The following ANKFN1 variants were observed in gnomAD, a reference collection of about 807,000 sequenced individuals.
ANKFN1 encodes the protein ankyrin repeat and fibronectin type III domain containing 1.
In ANKFN1, 74 loss-of-function variants were observed where a neutral mutation model predicts 108.7. The ratio of observed to expected loss-of-function variants is 0.68; its 90% CI spans 0.56 to 0.83. The LOEUF (loss-of-function observed/expected upper bound fraction) is 0.83, where lower values mean the gene tolerates loss of function less well. Ranked by LOEUF, ANKFN1 falls within the 40% of genes least tolerant of loss-of-function variation. The probability of loss-of-function intolerance (pLI) is 0.00; values close to 1 mark genes in which losing one functional copy is unlikely to be tolerated. For missense variants in ANKFN1, 1,505 were observed against 1,382.3 expected, an observed-to-expected ratio of 1.09 and a Z score of -1.41; for synonymous variants, 547 against 516.2, an observed-to-expected ratio of 1.06 and a Z score of -0.81.
chr17:56,112,326 G>A (rs994840688), intron 4 of ANKFN1, among the ~76,000 whole-genome samples: 20 of 151,982 alleles, frequency 1.3e-4, no homozygotes, highest in Non-Finnish European at 2.4e-4. Flanking sequence ...ACTTTAATCT[G>A]ATTTACTGTT....
chr17:56,417,492 T>C (rs182501373), intron 8 of ANKFN1, among the ~76,000 whole-genome samples: 47 of 152,332 alleles, frequency 3.1e-4, no homozygotes, highest in African/African-American at 1.1e-3. Flanking sequence ...AGGGACTATA[T>C]AGTCAGGCAC....
intron 4 of ANKFN1, among the ~76,000 whole-genome samples, chr17:56,095,507 G>T (rs181073966): frequency 7.0e-6 from 1 of 142,332 alleles, no homozygotes; most frequent in Admixed American, 6.9e-5. Flanking sequence ...TTGCTATTTT[G>T]CTCAGGCTGG....
At chr17:56,420,916 G>A (rs540509998) in intron 8 of ANKFN1, among the ~76,000 whole-genome samples, 2 of 152,080 alleles carry the variant, frequency 1.3e-5, no homozygotes, top group Admixed American at 6.5e-5. Flanking sequence ...CACCGTGTTA[G>A]CCAGGATGGT....
intron 8 of ANKFN1, among the ~76,000 whole-genome samples, chr17:56,375,934 A>G (rs1449535452): frequency 1.3e-5 from 2 of 152,238 alleles, no homozygotes; most frequent in Non-Finnish European, 1.5e-5. Context: ...CTAAATGCTT[A>G]CAACAGAGAC....
At chr17:56,070,942 G>C (rs541790389) in intron 4 of ANKFN1, among the ~76,000 whole-genome samples, 1 of 151,948 alleles carries the variant, frequency 6.6e-6, no homozygotes, top group Non-Finnish European at 1.5e-5. Context: ...CACCATGTTG[G>C]CCAGGATGGT....
chr17:56,247,707 A>C (rs1918055515), intron 3 of ANKFN1, among the ~76,000 whole-genome samples: 2 of 152,176 alleles, frequency 1.3e-5, no homozygotes, highest in South Asian at 4.1e-4. Context: ...AATCAAAATC[A>C]AGTCTGAGAC....
chr17:56,198,539 C>A (rs1913731124), intron 1 of ANKFN1, among the ~76,000 whole-genome samples: 1 of 152,156 alleles, frequency 6.6e-6, no homozygotes, highest in Non-Finnish European at 1.5e-5. Context: ...CCAACAGGTA[C>A]CAGTCTGCAG....
chr17:56,241,028 A>G (rs1917543994), intron 3 of ANKFN1, among the ~76,000 whole-genome samples: 2 of 151,980 alleles, frequency 1.3e-5, no homozygotes, highest in African/African-American at 2.4e-5. Context: ...AACATAATCT[A>G]TATTTTTAAG....
intron 1 of ANKFN1, among the ~76,000 whole-genome samples, chr17:56,191,146 A>G (rs1912884381): frequency 6.0e-5 from 1 of 16,650 alleles, no homozygotes. Flanking sequence ...CAGCACACTG[A>G]TGGGTCTTGA....
chr17:56,491,051 C>A (rs187940537), intron 18 of ANKFN1, among the ~76,000 whole-genome samples: 35 of 152,116 alleles, frequency 2.3e-4, no homozygotes, highest in Non-Finnish European at 4.4e-4. Flanking sequence ...ATGACCAATG[C>A]CCCATTTTGA....
rs1288725827 is a variant in ANKFN1, at chr17:56,516,257, A to C, written c.*4988A>C. On this transcript the variant is annotated 3_prime_UTR_variant, in exon 21 of 21. Transcript: ENST00000682825. ...GTTTGATGTTTGTGATTTTTAAAAA[A>C]GTGTGTGTGTGTGTGTGTGTGTGTG... 6.7e-6 allele frequency among the ~76,000 whole-genome samples: 1 copy of C among 148,362 alleles called. No homozygotes were observed.
Position 56,222,876 on chromosome 17 carries a change from A to G in ANKFN1, c.13-5041A>G, listed in dbSNP as rs560758782. On this transcript the variant is annotated intron_variant, in intron 2 of 20. Transcript: ENST00000682825. Reference sequence around the variant, plus strand: ...GCAATTCTAAGAACTACTTTAGAGTATAAGACCACACGTCTAAAAGTAAAT... The same window carrying G: ...GCAATTCTAAGAACTACTTTAGAGTGTAAGACCACACGTCTAAAAGTAAAT... Among the ~76,000 whole-genome samples, 391 of 152,344 alleles carry G rather than the reference A, an allele frequency of 2.6e-3. 1 individual carries two copies. The highest frequency in any genetic ancestry group is 0.021 in the South Asian group (102 of 4,830).
intron 2 of ANKFN1, among the ~76,000 whole-genome samples, chr17:56,216,724 A>G (rs1915450745): frequency 6.6e-6 from 1 of 152,230 alleles, no homozygotes; most frequent in South Asian, 2.1e-4. Flanking sequence ...TCTGTGCCTC[A>G]GTTTACCTAT....
chr17:56,482,350 C>T lies in ANKFN1; in HGVS notation c.2092-6C>T. The T allele has an allele frequency of 8.2e-6, 13 of 1,593,348 alleles. No homozygotes were observed. The highest frequency in any genetic ancestry group is 1.0e-5 in the Non-Finnish European group (12 of 1,168,446). On this transcript the variant is annotated splice_polypyrimidine_tract_variant and splice_region_variant and intron_variant, in intron 17 of 20. Transcript: ENST00000682825. The stretch of plus-strand genomic sequence containing the variant: ...CTATTTTTCCTCCGCGCGTGTCCCT[C>T]TGCAGGCAAGGAACTTCCGCCTCTA...
intron 18 of ANKFN1, among the ~76,000 whole-genome samples, chr17:56,484,461 C>T (rs1303843471): frequency 6.6e-6 from 1 of 152,172 alleles, no homozygotes; most frequent in Admixed American, 6.5e-5. Flanking sequence ...AAAGAATACT[C>T]TCATTGTTTT....
rs112596144 is a variant in ANKFN1 at position 56,170,807 on chromosome 17, T to TACACACACACACACACAC, written c.-71+17287_-71+17304dup. 3.6e-3 allele frequency among the ~76,000 whole-genome samples: 220 copies of TACACACACACACACACAC among 61,426 alleles called. 5 individuals carry two copies. Among genetic ancestry groups the TACACACACACACACACAC allele is most frequent in the East Asian group, 0.02 (20 of 1,024 alleles). The allele number at this position is 61,426 out of a possible 152,430, so 40.3% of individuals were successfully genotyped here. On this transcript the variant is annotated intron_variant, in intron 1 of 20. Transcript: ENST00000682825. ...ATATATATATATATATATATATATATACACACACACACACACACACACACA... is the reference window on the plus strand; with the variant it reads ...ATATATATATATATATATATATATATACACACACACACACACACACACACACACACACACACACACACA...
intron 1 of ANKFN1, among the ~76,000 whole-genome samples, chr17:56,184,487 C>CA (rs1000272224): frequency 6.6e-6 from 1 of 152,106 alleles, no homozygotes; most frequent in African/African-American, 2.4e-5. Context: ...CACTGGGAAA[C>CA]AAAAAAATTA....
At chr17:56,479,283 G>T (rs953783481) in intron 16 of ANKFN1, among the ~76,000 whole-genome samples, 7 of 152,104 alleles carry the variant, frequency 4.6e-5, no homozygotes, top group Admixed American at 3.9e-4. Flanking sequence ...GTGTTTTTAC[G>T]ATATTCCTAC....
intron 4 of ANKFN1, among the ~76,000 whole-genome samples, chr17:56,131,508 C>G (rs117722944): frequency 9.8e-5 from 15 of 152,300 alleles, no homozygotes; most frequent in Non-Finnish European, 2.1e-4. Flanking sequence ...TAATTTGTAT[C>G]TCTTTTTACA....
Sources: gnomAD v4.1 joint callset for allele counts (sites outside exome capture counted in the v4.1 genomes callset) on GRCh38, gnomAD v4.1.1 for gene constraint, MANE v1.5 for transcripts, NCBI Gene and HGNC (gene_info 2026-07-23, HGNC 2026-07-21) for gene names.